Variants in ELP2 observed in about 807,000 individuals in gnomAD.
The protein encoded by ELP2 is elongator complex protein 2.
ELP2 carries 90 observed loss-of-function variants against 119.2 expected under a neutral mutation model. The ratio of observed to expected loss-of-function variants is 0.75; its 90% CI spans 0.64 to 0.90. The LOEUF (loss-of-function observed/expected upper bound fraction) is 0.90. Ranked by LOEUF, ELP2 falls within the 40% of genes least tolerant of loss-of-function variation. The pLI, the probability that ELP2 is intolerant of heterozygous loss-of-function variation, is 0.00. For synonymous variants in ELP2, 339 were observed against 331.0 expected (o/e 1.02, Z -0.26); for missense variants, 921 against 967.8 (o/e 0.95, Z 0.64).
Position 36,129,951 on chromosome 18 carries a change from G to A in ELP2, c.18G>A (p.Leu6=), listed in dbSNP as rs2089529276. The A allele has an allele frequency of 6.2e-7, 1 of 1,614,226 alleles. No homozygotes were observed. Among genetic ancestry groups the A allele is most frequent in the East Asian group, 2.2e-5 (1 of 44,878 alleles). MVAPV[L]ETSHVFCCPN... is the part of the protein sequence containing the mutation. ...TTGGCGACATGGTGGCACCCGTGCT[G>A]GAGACTTCTCACGTGTTTTGCTGCC... Residue 6 remains leucine, a synonymous_variant, in exon 1 of 22, where the codon CTG becomes CTA. Coordinates refer to ENST00000358232, the MANE Select transcript of ELP2 (RefSeq NM_018255.4).
chr18:36,166,319 G>GTTTTTTTATT (rs2090897144), intron 18 of ELP2, among the ~76,000 whole-genome samples: 1 of 71,650 alleles, frequency 1.4e-5, no homozygotes, highest in African/African-American at 5.6e-5. Context: ...GTTTTTTAGG[G>GTTTTTTTATT]TTTTTTTTTT....
chr18:36,138,101 T>G (rs1183676949), intron 3 of ELP2, 169 bp from the exon 4 acceptor site: 4 of 622,596 alleles, frequency 6.4e-6, no homozygotes, highest in African/African-American at 5.5e-5. Context: ...TCACAGGGCA[T>G]GCACATTTTG....
In ELP2 at chr18:36,171,001, A is replaced by G. The variant is rs773136445; in HGVS notation, c.2211-46A>G. ...CTTTAGAGCAATGACGAAGATAACA[A>G]TTTCATGCTAAGTTAATCACTGTTG... On this transcript the variant is annotated intron_variant, in intron 20 of 21. Transcript: ENST00000358232. 8 of 1,341,984 alleles carry G rather than the reference A, an allele frequency of 6.0e-6. No homozygotes were observed. In the South Asian group the frequency reaches 7.1e-5, roughly 12 times the overall value. 83.1% of individuals were successfully genotyped at this position (1,341,984 alleles called of 1,614,324 possible). A position where few individuals can be genotyped will look rare whatever the true frequency, so the allele number is the denominator to read the frequency against.
intron 19 of ELP2, 56 bp from the exon 20 acceptor site, chr18:36,170,007 A>G (rs2144815044): frequency 1.2e-6 from 2 of 1,612,676 alleles, no homozygotes; most frequent in Non-Finnish European, 1.7e-6. Flanking sequence ...ACTGTAGTAC[A>G]TGGCTAGAAA....
In ELP2 at chr18:36,171,032, C is replaced by A. The variant is rs1479659317; in HGVS notation, c.2211-15C>A. The A allele has an allele frequency of 5.8e-6, 9 of 1,552,454 alleles. No homozygotes were observed. Among genetic ancestry groups the A allele is most frequent in the Non-Finnish European group, 6.2e-6 (7 of 1,124,002 alleles). On this transcript the variant is annotated splice_polypyrimidine_tract_variant and intron_variant, in intron 20 of 21. Coordinates refer to ENST00000358232, the MANE Select transcript of ELP2 (RefSeq NM_018255.4). ...TGCTAAGTTAATCACTGTTGTCCCC[C>A]TCCCTTAAAAACAGATACGTGGTTG...
intron 5 of ELP2, chr18:36,139,471 C>T (rs1785932): frequency 0.34 from 526,490 of 1,535,350 alleles, 93,150 homozygotes; most frequent in Admixed American, 0.37. Context: ...AGCCACCAGC[C>T]TCTCTCGCCC....
chr18:36,151,132 T>G (rs2090385020), intron 11 of ELP2, among the ~76,000 whole-genome samples: 1 of 151,086 alleles, frequency 6.6e-6, no homozygotes, highest in Non-Finnish European at 1.5e-5. Context: ...TTGCTCAGGC[T>G]GGGGTACAGT....
chr18:36,143,122 G>C (rs187005457), intron 8 of ELP2, among the ~76,000 whole-genome samples, 156 bp downstream of exon 8: 199 of 150,884 alleles, frequency 1.3e-3, no homozygotes, highest in Middle Eastern at 6.8e-3. Context: ...TTGAGACAGA[G>C]TTTTGCTTCT....
intron 2 of ELP2, among the ~76,000 whole-genome samples, chr18:36,134,248 A>G (rs1183613862): frequency 6.6e-6 from 1 of 152,212 alleles, no homozygotes; most frequent in Non-Finnish European, 1.5e-5. Context: ...TGTAAGACCT[A>G]TGAGATCAAA....
At chr18:36,136,186 T>TATC (rs2089817486) in intron 2 of ELP2, 121 bp from the exon 3 acceptor site, 5 of 729,782 alleles carry the variant, frequency 6.9e-6, no homozygotes, top group African/African-American at 5.3e-5. Context: ...TGGCAAAATG[T>TATC]TACCAGTTTG....
rs142650501 is a variant in ELP2, at chr18:36,163,539, A to G, written c.1762-936A>G. Among the ~76,000 whole-genome samples the G allele has an allele frequency of 6.6e-5, 10 of 152,120 alleles. No homozygotes were observed. The East Asian group carries it at 1.9e-3, about 29-fold the overall frequency. ...TATCTAGTCTTTGATTCAAGGTCAC[A>G]AGGATTTTTCTGCTGTGTTTTGTTC... On this transcript the variant is annotated intron_variant, in intron 17 of 21. Coordinates refer to ENST00000358232, the MANE Select transcript of ELP2 (RefSeq NM_018255.4).
intron 6 of ELP2, among the ~76,000 whole-genome samples, chr18:36,141,980 C>T (rs1475103416): frequency 1.3e-5 from 2 of 152,138 alleles, no homozygotes; most frequent in Non-Finnish European, 2.9e-5. Context: ...AGGTGTGAGC[C>T]ACTGCCCAAC....
intron 11 of ELP2, among the ~76,000 whole-genome samples, chr18:36,148,871 G>A (rs1428346644): frequency 6.6e-6 from 1 of 151,836 alleles, no homozygotes; most frequent in East Asian, 1.9e-4. Context: ...CCAAGACCCT[G>A]TCTCAAAAAA....
At chr18:36,162,448 A>G (rs559633118) in intron 17 of ELP2, among the ~76,000 whole-genome samples, 51 of 152,138 alleles carry the variant, frequency 3.4e-4, no homozygotes, top group African/African-American at 1.2e-3. Flanking sequence ...ATGTACCACC[A>G]TTTGTTGATC....
chr18:36,165,554 A>G (rs560677019), intron 18 of ELP2, among the ~76,000 whole-genome samples: 1 of 152,308 alleles, frequency 6.6e-6, no homozygotes, highest in East Asian at 1.9e-4. Context: ...TTGCATCACT[A>G]ATCTTTTCCT....
At position 36,145,900 on chromosome 18, in the gene ELP2, A is replaced by T. The variant is rs763985306; in HGVS notation, c.893-48A>T. The T allele has an allele frequency of 3.4e-6, 5 of 1,487,484 alleles. No individual in the cohort carries two copies. The Admixed American group carries it at 8.4e-5, about 25-fold the overall frequency. 92.1% of individuals were successfully genotyped at this position (1,487,484 alleles called of 1,614,324 possible). ...TGTTGTTTTTTTCTGGTCATCTACA[A>T]ACATGATGATTGTTGATCACCTAAA... is the stretch of plus-strand genomic sequence containing the variant. On this transcript the variant is annotated intron_variant, in intron 9 of 21. Coordinates refer to ENST00000358232, the MANE Select transcript of ELP2 (RefSeq NM_018255.4).
In ELP2 at chr18:36,179,685, G is replaced by C. The variant is rs1335972256; in HGVS notation, c.*5044G>C. The stretch of plus-strand genomic sequence containing the variant: ...CCCGACACAGAGGGATGCAAAGGCA[G>C]CCTCTTCCTGCTCAGTGGAATAGGG... On this transcript the variant is annotated 3_prime_UTR_variant, in exon 22 of 22. Transcript: ENST00000358232. 1 of 152,216 alleles carries C rather than the reference G, an allele frequency of 6.6e-6. No individual in the cohort carries two copies. The highest frequency in any genetic ancestry group is 2.4e-5 in the African/African-American group (1 of 41,448). 9.4% of individuals were successfully genotyped at this position (152,216 alleles called of 1,614,324 possible). A position where few individuals can be genotyped will look rare whatever the true frequency, so the allele number is the denominator to read the frequency against.
chr18:36,134,508 T>C (rs986324978), intron 2 of ELP2, among the ~76,000 whole-genome samples: 2 of 152,232 alleles, frequency 1.3e-5, no homozygotes, highest in African/African-American at 2.4e-5. Context: ...CAAAATGTTA[T>C]ATATGTTCAC....
At chr18:36,130,241 C>T (rs1303435390) in intron 1 of ELP2, among the ~76,000 whole-genome samples, 170 bp downstream of exon 1, 1 of 152,182 alleles carries the variant, frequency 6.6e-6, no homozygotes, top group East Asian at 1.9e-4. Flanking sequence ...ACTCGCTCCT[C>T]ACCCCTCACC....
Sources: allele counts gnomAD v4.1 joint callset (sites outside exome capture counted in the v4.1 genomes callset), GRCh38; gene constraint gnomAD v4.1.1; transcripts MANE v1.5; gene names NCBI Gene and HGNC (gene_info 2026-07-23, HGNC 2026-07-21).